P2RY14: variants seen among roughly 807,000 people sequenced by gnomAD.
P2RY14 encodes the protein P2Y purinoceptor 14.
In P2RY14, 2 loss-of-function variants were observed where a neutral mutation model predicts 0.9. The ratio of observed to expected loss-of-function variants is 2.16; its 90% CI spans 0.88 to 6.79. The LOEUF (loss-of-function observed/expected upper bound fraction) is 6.79, where lower values mean the gene tolerates loss of function less well. Ranked by LOEUF, P2RY14 falls within the 30% of genes most tolerant of loss-of-function variation. The pLI is 0.05. For synonymous variants in P2RY14, 158 were observed against 147.2 expected (o/e 1.07, Z -0.53); for missense variants, 378 against 400.1 (o/e 0.94, Z 0.47).
intron 1 of P2RY14, among the ~76,000 whole-genome samples, chr3:151,232,204 A>G (rs1731825441): frequency 6.6e-6 from 1 of 151,206 alleles, no homozygotes; most frequent in African/African-American, 2.4e-5. Context: ...CTTTCTATAT[A>G]CTCCTCTATG....
intron 1 of P2RY14, among the ~76,000 whole-genome samples, chr3:151,220,752 C>T (rs1729181308): frequency 6.6e-6 from 1 of 152,214 alleles, no homozygotes; most frequent in South Asian, 2.1e-4. Context: ...CAGTAAACCT[C>T]TTTCTTTTGT....
chr3:151,268,473 A>G (rs1482599425), intron 1 of P2RY14, among the ~76,000 whole-genome samples: 1 of 152,216 alleles, frequency 6.6e-6, no homozygotes, highest in African/African-American at 2.4e-5. Context: ...TGCCCTAGTC[A>G]AGGCATGTCC....
At chr3:151,243,285 G>T (rs1486196356) in intron 1 of P2RY14, among the ~76,000 whole-genome samples, 3 of 151,456 alleles carry the variant, frequency 2.0e-5, no homozygotes, top group Non-Finnish European at 2.9e-5. Context: ...GATACTCCTC[G>T]AGAAGAGCAA....
intron 1 of P2RY14, among the ~76,000 whole-genome samples, chr3:151,242,762 T>C (rs1323645845): frequency 6.6e-6 from 1 of 152,176 alleles, no homozygotes; most frequent in East Asian, 1.9e-4. Context: ...CAAAGCTGGA[T>C]GGAGAATGAC....
rs112064428 is a variant in P2RY14, at chr3:151,230,361, C to G, written c.-132-10719G>C. Among the ~76,000 whole-genome samples, 1,037 of 152,326 alleles carry G rather than the reference C, an allele frequency of 6.8e-3. 7 individuals are homozygous for G. Among genetic ancestry groups the G allele is most frequent in the South Asian group, 0.014 (70 of 4,828 alleles). Reference sequence around the variant, plus strand: ...CCCATGAATTTCAATAGAAGTCAGTCAAGTACAGTGTAAGAAAATAGTCTT... The same window carrying G: ...CCCATGAATTTCAATAGAAGTCAGTGAAGTACAGTGTAAGAAAATAGTCTT... On this transcript the variant is annotated intron_variant, in intron 1 of 2. Transcript: ENST00000309170.
At chr3:151,217,780 T>C (rs901240570) in intron 2 of P2RY14, among the ~76,000 whole-genome samples, 8 of 152,140 alleles carry the variant, frequency 5.3e-5, no homozygotes, top group South Asian at 4.1e-4. Context: ...CTCTTAAATA[T>C]TGATTTTTTT....
chr3:151,251,662 A>G (rs1736883129), intron 1 of P2RY14, among the ~76,000 whole-genome samples: 1 of 152,212 alleles, frequency 6.6e-6, no homozygotes, highest in African/African-American at 2.4e-5. Context: ...TATCACAGCA[A>G]CACTCAATTG....
At chr3:151,270,868 C>T (rs1027676470) in intron 1 of P2RY14, among the ~76,000 whole-genome samples, 14 of 152,280 alleles carry the variant, frequency 9.2e-5, no homozygotes, top group African/African-American at 3.4e-4. Flanking sequence ...ATTTAGAATT[C>T]ACATTCTCTG....
chr3:151,247,059 G>A (rs1000709801), intron 1 of P2RY14, among the ~76,000 whole-genome samples: 1 of 152,126 alleles, frequency 6.6e-6, no homozygotes, highest in Non-Finnish European at 1.5e-5. Flanking sequence ...AAAACCACAA[G>A]AAGATACCAT....
chr3:151,241,171 C>T (rs899673960), intron 1 of P2RY14, among the ~76,000 whole-genome samples: 7 of 152,240 alleles, frequency 4.6e-5, no homozygotes, highest in Admixed American at 2.6e-4. Flanking sequence ...TCTCCTTGCC[C>T]TTTGGCATCT....
chr3:151,251,133 G>T (rs530745847), intron 1 of P2RY14, among the ~76,000 whole-genome samples: 42 of 152,248 alleles, frequency 2.8e-4, no homozygotes, highest in African/African-American at 7.7e-4. Flanking sequence ...TGAGCCCCAT[G>T]CTTTTGCCTT....
In P2RY14 at chr3:151,213,292, G is replaced by A; in HGVS notation, c.*8C>T. 1 of 1,587,630 alleles carries A rather than the reference G, an allele frequency of 6.3e-7. No individual in the cohort carries two copies. Among genetic ancestry groups the A allele is most frequent in the Non-Finnish European group, 8.6e-7 (1 of 1,168,320 alleles). ...ACACGTGGTCTTTCTTTGGAAGAGG[G>A]TAGGAACTCACAAAGTATCTGTGCT... On this transcript the variant is annotated 3_prime_UTR_variant, in exon 3 of 3. Coordinates refer to ENST00000309170, the MANE Select transcript of P2RY14 (RefSeq NM_014879.4).
chr3:151,231,160 A>G (rs1418211409), intron 1 of P2RY14, among the ~76,000 whole-genome samples: 1 of 152,228 alleles, frequency 6.6e-6, no homozygotes. Context: ...ACAAAAAGGT[A>G]GGATGCAAAT....
rs572339485 is a variant in P2RY14, at chr3:151,242,266, C to T, written c.-132-22624G>A. Among the ~76,000 whole-genome samples the T allele has an allele frequency of 7.9e-3, 1,200 of 152,348 alleles. 30 individuals carry two copies. Among genetic ancestry groups the T allele is most frequent in the Admixed American group, 0.051 (787 of 15,302 alleles). On this transcript the variant is annotated intron_variant, in intron 1 of 2. Transcript: ENST00000309170. ...GCCGGGAAGCTCAAACTGGGCGGAG[C>T]CCACCACAGCTCAAGGAGGCCTGCC...
At chr3:151,215,574 A>G (rs1334440386) in intron 2 of P2RY14, among the ~76,000 whole-genome samples, 3 of 152,172 alleles carry the variant, frequency 2.0e-5, no homozygotes, top group East Asian at 1.9e-4. Flanking sequence ...CAGAACTTCT[A>G]TTGTTTAGGA....
At chr3:151,216,567 AT>A (rs975980147) in intron 2 of P2RY14, among the ~76,000 whole-genome samples, 14 of 152,324 alleles carry the variant, frequency 9.2e-5, no homozygotes, top group African/African-American at 3.4e-4. Flanking sequence ...AACTAGAAAT[AT>A]TGATAGACTT....
intron 1 of P2RY14, among the ~76,000 whole-genome samples, chr3:151,228,255 A>G (rs1010566190): frequency 1.3e-5 from 2 of 152,152 alleles, no homozygotes; most frequent in African/African-American, 4.8e-5. Flanking sequence ...TATTGCGATA[A>G]TTATTAACTG....
At chr3:151,261,684 G>GGTGTT (rs993160734) in intron 1 of P2RY14, among the ~76,000 whole-genome samples, 1 of 91,428 alleles carries the variant, frequency 1.1e-5, no homozygotes, top group African/African-American at 5.8e-5. Context: ...AGTGGTACGT[G>GGTGTT]GTGTTTTGTT....
At chr3:151,275,634 A>C (rs1195273074) in intron 1 of P2RY14, among the ~76,000 whole-genome samples, 3 of 152,210 alleles carry the variant, frequency 2.0e-5, no homozygotes, top group Non-Finnish European at 4.4e-5. Flanking sequence ...TTACTATAAA[A>C]ATAGCATTCA....
Sources: gnomAD v4.1 joint callset for allele counts (sites outside exome capture counted in the v4.1 genomes callset) on GRCh38, gnomAD v4.1.1 for gene constraint, MANE v1.5 for transcripts, NCBI Gene and HGNC (gene_info 2026-07-23, HGNC 2026-07-21) for gene names.